NETO1: variants seen among roughly 807,000 people sequenced by gnomAD.
NETO1 encodes the protein neuropilin and tolloid like 1.
A neutral mutation model predicts 61.3 loss-of-function variants in NETO1; 26 were observed. That is an observed-to-expected ratio of 0.42 (90% CI 0.31 to 0.59). The LOEUF is 0.59. NETO1 is among the 20% of genes least tolerant of loss of function. NETO1 has a pLI of 0.12. For missense variants in NETO1, 531 were observed against 662.8 expected (o/e 0.80, Z 2.18); for synonymous variants, 225 against 225.8 (o/e 1.00, Z 0.03).
rs1377593422 is a variant in NETO1, at chr18:72,745,939, C to A, written c.*2240G>T. 2.6e-5 allele frequency: 4 copies of A among 152,164 alleles called. No homozygotes were observed. Among genetic ancestry groups the A allele is most frequent in the Non-Finnish European group, 5.9e-5 (4 of 68,030 alleles). 9.4% of individuals were successfully genotyped at this position (152,164 alleles called of 1,614,324 possible). ...TTCATTTAAAATACAGTTGTTTTCCCATGAAGCTGCTGTGTGTTAAATATA... is the reference window on the plus strand; with the variant it reads ...TTCATTTAAAATACAGTTGTTTTCCAATGAAGCTGCTGTGTGTTAAATATA... On this transcript the variant is annotated 3_prime_UTR_variant, in exon 11 of 11. Coordinates refer to ENST00000327305, the MANE Select transcript of NETO1 (RefSeq NM_138966.5).
chr18:72,765,667 T>G (rs559861754), intron 7 of NETO1, among the ~76,000 whole-genome samples: 2 of 152,256 alleles, frequency 1.3e-5, no homozygotes, highest in East Asian at 1.9e-4. Flanking sequence ...TCCACCCACC[T>G]TGGCCTCCCA....
intron 7 of NETO1, among the ~76,000 whole-genome samples, chr18:72,783,036 A>T (rs1475093062): frequency 6.6e-6 from 1 of 152,200 alleles, no homozygotes; most frequent in East Asian, 1.9e-4. Flanking sequence ...ATAAATTTGT[A>T]ACACATGAAA....
In NETO1 at chr18:72,790,184, T is replaced by A. The variant is rs140546741; in HGVS notation, c.639+3933A>T. Among the ~76,000 whole-genome samples, 963 of 152,290 alleles carry A rather than the reference T, an allele frequency of 6.3e-3. 13 individuals are homozygous for A. Among genetic ancestry groups the A allele is most frequent in the African/African-American group, 0.022 (901 of 41,560 alleles). ...AAATTACCTTCATTTATGTATTTTA[T>A]ACATATTTTGACTCTGTCCCGTATC... On this transcript the variant is annotated intron_variant, in intron 6 of 10. Coordinates refer to ENST00000327305, the MANE Select transcript of NETO1 (RefSeq NM_138966.5).
At chr18:72,757,421 T>C (rs1051869934) in intron 7 of NETO1, among the ~76,000 whole-genome samples, 2 of 151,970 alleles carry the variant, frequency 1.3e-5, no homozygotes, top group African/African-American at 4.8e-5. Flanking sequence ...ACTCAAATTC[T>C]GAAAACCAAA....
At chr18:72,858,757 A>G in intron 4 of NETO1, 69 bp downstream of exon 4, 1 of 1,421,894 alleles carries the variant, frequency 7.0e-7, no homozygotes, top group Non-Finnish European at 9.5e-7. Flanking sequence ...TGTCTTACAC[A>G]AGATTTTGTA....
intron 4 of NETO1, among the ~76,000 whole-genome samples, chr18:72,827,057 C>T (rs999358138): frequency 3.3e-4 from 50 of 150,820 alleles, no homozygotes; most frequent in African/African-American, 1.2e-3. Flanking sequence ...CCCAAGGATC[C>T]CCAGAGAACC....
In NETO1 at chr18:72,774,034, A is replaced by G. The variant is rs2071463895; in HGVS notation, c.868+9644T>C. ...AAAACTAAATGCATTATCTCATTTTAGCAAATTATTGTAAATAAATTCCAT... is the reference window on the plus strand; with the variant it reads ...AAAACTAAATGCATTATCTCATTTTGGCAAATTATTGTAAATAAATTCCAT... On this transcript the variant is annotated intron_variant, in intron 7 of 10. Transcript: ENST00000327305. 2.6e-5 allele frequency among the ~76,000 whole-genome samples: 4 copies of G among 152,178 alleles called. No individual in the cohort carries two copies. In the South Asian group the frequency reaches 8.3e-4, roughly 32 times the overall value.
intron 6 of NETO1, among the ~76,000 whole-genome samples, chr18:72,785,122 AT>A (rs1598990555): frequency 6.6e-6 from 1 of 152,168 alleles, no homozygotes; most frequent in Non-Finnish European, 1.5e-5. Context: ...TCTTAAATGC[AT>A]TTCTCTTAAT....
At chr18:72,771,777 G>T (rs909729074) in intron 7 of NETO1, among the ~76,000 whole-genome samples, 3 of 151,940 alleles carry the variant, frequency 2.0e-5, no homozygotes, top group African/African-American at 7.3e-5. Context: ...TTGATATTTG[G>T]ATCATCCATT....
Position 72,745,341 on chromosome 18 carries a change from A to G in NETO1, c.*2838T>C, listed in dbSNP as rs2070406982. On this transcript the variant is annotated 3_prime_UTR_variant, in exon 11 of 11. Transcript: ENST00000327305. ...TTTGGACAGAAGTACGAAGCTTAAT[A>G]TGGGGATTCATTGGCATTGCATGTG... is the stretch of plus-strand genomic sequence containing the variant. 6.6e-6 allele frequency: 1 copy of G among 152,222 alleles called. No individual in the cohort carries two copies. The allele number at this position is 152,222 out of a possible 1,614,324, so 9.4% of individuals were successfully genotyped here. A position where few individuals can be genotyped will look rare whatever the true frequency, so the allele number is the denominator to read the frequency against.
intron 7 of NETO1, among the ~76,000 whole-genome samples, chr18:72,766,015 C>G (rs143735781): frequency 7.0e-4 from 106 of 151,930 alleles, no homozygotes; most frequent in Middle Eastern, 3.4e-3. Flanking sequence ...AAGACCAGCT[C>G]GGTCAACATG....
In NETO1 at chr18:72,747,794, G is replaced by A. The variant is rs1221644292; in HGVS notation, c.*385C>T. On this transcript the variant is annotated 3_prime_UTR_variant, in exon 11 of 11. Transcript: ENST00000327305. ...TGTAACACAAGGTTCATCCAAATTCGTGTTTTTTTTTCACATATCACACAA... is the reference window on the plus strand; with the variant it reads ...TGTAACACAAGGTTCATCCAAATTCATGTTTTTTTTTCACATATCACACAA... 6.6e-6 allele frequency: 1 copy of A among 151,610 alleles called. No homozygotes were observed. The highest frequency in any genetic ancestry group is 1.5e-5 in the Non-Finnish European group (1 of 67,878). The allele number at this position is 151,610 out of a possible 1,614,324, so 9.4% of individuals were successfully genotyped here. A position where few individuals can be genotyped will look rare whatever the true frequency, so the allele number is the denominator to read the frequency against.
At chr18:72,865,299 AAACAT>A (rs1420256128) in intron 1 of NETO1, 58 bp from the exon 2 acceptor site, 35 of 1,345,142 alleles carry the variant, frequency 2.6e-5, no homozygotes, top group Middle Eastern at 3.6e-4. Context: ...AATCCCATAA[AAACAT>A]AACATAATTT....
rs532883489 is a variant in NETO1 at position 72,771,477 on chromosome 18, G to A, written c.868+12201C>T. On this transcript the variant is annotated intron_variant, in intron 7 of 10. Coordinates refer to ENST00000327305, the MANE Select transcript of NETO1 (RefSeq NM_138966.5). ...TGAATCTGAGTTAGTGTGGAAGTGCGGTGCCTTCAGAGAAGCAACCATCAT... is the reference window on the plus strand; with the variant it reads ...TGAATCTGAGTTAGTGTGGAAGTGCAGTGCCTTCAGAGAAGCAACCATCAT... 5.3e-5 allele frequency among the ~76,000 whole-genome samples: 8 copies of A among 152,250 alleles called. No homozygotes were observed. In the East Asian group the frequency reaches 9.6e-4, roughly 18 times the overall value.
chr18:72,832,763 T>C (rs888666809), intron 4 of NETO1, among the ~76,000 whole-genome samples: 1 of 152,216 alleles, frequency 6.6e-6, no homozygotes, highest in African/African-American at 2.4e-5. Context: ...AATTCACTTT[T>C]TAGTACCAAA....
At chr18:72,828,507 G>T (rs926735359) in intron 4 of NETO1, among the ~76,000 whole-genome samples, 2 of 152,044 alleles carry the variant, frequency 1.3e-5, no homozygotes, top group African/African-American at 2.4e-5. Flanking sequence ...CAAAAACAAA[G>T]ATATTCAAAG....
At chr18:72,852,968 G>A (rs1307949334) in intron 4 of NETO1, among the ~76,000 whole-genome samples, 1 of 151,680 alleles carries the variant, frequency 6.6e-6, no homozygotes, top group African/African-American at 2.4e-5. Flanking sequence ...GAGTAGCTGG[G>A]ATTACAGGCG....
chr18:72,744,686 T>TC lies in NETO1; in HGVS notation c.*3492dup, dbSNP rs1010181584. On this transcript the variant is annotated 3_prime_UTR_variant, in exon 11 of 11. Coordinates refer to ENST00000327305, the MANE Select transcript of NETO1 (RefSeq NM_138966.5). ...TTTTAAAAATGTTGTTTATTTAACT[T>TC]CCCTTCAGAGAGGGAATCTGACATG... 1.4e-4 allele frequency: 21 copies of TC among 152,194 alleles called. No individual in the cohort carries two copies. Among genetic ancestry groups the TC allele is most frequent in the African/African-American group, 4.6e-4 (19 of 41,456 alleles). 9.4% of individuals were successfully genotyped at this position (152,194 alleles called of 1,614,324 possible).
At chr18:72,825,256 T>C (rs1274288785) in intron 4 of NETO1, among the ~76,000 whole-genome samples, 2 of 152,220 alleles carry the variant, frequency 1.3e-5, no homozygotes, top group Non-Finnish European at 2.9e-5. Context: ...TATTACTGAT[T>C]TCTACTTCAT....
Sources: gnomAD v4.1 joint callset for allele counts (sites outside exome capture counted in the v4.1 genomes callset) on GRCh38, gnomAD v4.1.1 for gene constraint, MANE v1.5 for transcripts, NCBI Gene and HGNC (gene_info 2026-07-23, HGNC 2026-07-21) for gene names.